Variants in CFAP299 observed in about 807,000 individuals in gnomAD.
CFAP299 encodes the protein cilia- and flagella-associated protein 299.
A neutral mutation model predicts 27.0 loss-of-function variants in CFAP299; 21 were observed. The observed-to-expected ratio is 0.78, with a 90% CI of 0.55 to 1.12. The LOEUF (loss-of-function observed/expected upper bound fraction) is 1.12. Ranked by LOEUF, CFAP299 falls within the 50% of genes most tolerant of loss-of-function variation. The pLI, the probability that CFAP299 is intolerant of heterozygous loss-of-function variation, is 0.00. For synonymous variants in CFAP299, 104 were observed against 98.1 expected, an observed-to-expected ratio of 1.06 and a Z score of -0.36; for missense variants, 310 against 276.6, an observed-to-expected ratio of 1.12 and a Z score of -0.86.
chr4:80,375,324 C>T (rs1724350046), intron 2 of CFAP299, among the ~76,000 whole-genome samples: 1 of 151,956 alleles, frequency 6.6e-6, no homozygotes, highest in Non-Finnish European at 1.5e-5. Context: ...TCATTATTCT[C>T]ACATACATTT....
intron 4 of CFAP299, among the ~76,000 whole-genome samples, chr4:80,939,054 G>A (rs1040569461): frequency 1.3e-5 from 2 of 152,154 alleles, no homozygotes; most frequent in Admixed American, 6.6e-5. Flanking sequence ...AGAGGGGAAT[G>A]TTCCCTTTGT....
intron 2 of CFAP299, among the ~76,000 whole-genome samples, chr4:80,376,006 T>G (rs1037010978): frequency 1.3e-5 from 2 of 152,238 alleles, no homozygotes; most frequent in African/African-American, 4.8e-5. Flanking sequence ...TTCTGACAAA[T>G]GTATACAGTA....
chr4:80,695,132 A>G (rs889155248), intron 3 of CFAP299, among the ~76,000 whole-genome samples: 1 of 152,168 alleles, frequency 6.6e-6, no homozygotes, highest in Admixed American at 6.5e-5. Flanking sequence ...TGGGGACAGG[A>G]TAGTATTTAT....
chr4:80,504,616 T>C (rs933075053), intron 2 of CFAP299, among the ~76,000 whole-genome samples: 2 of 146,844 alleles, frequency 1.4e-5, no homozygotes, highest in Non-Finnish European at 3.0e-5. Context: ...CACGTTATAC[T>C]ATTTTAGTTT....
intron 3 of CFAP299, among the ~76,000 whole-genome samples, chr4:80,759,227 A>C (rs1725419057): frequency 6.6e-6 from 1 of 152,146 alleles, no homozygotes; most frequent in South Asian, 2.1e-4. Context: ...TAGGCTCTGA[A>C]GATGATGCAA....
chr4:80,371,891 TCAAACCTCTGCCCATTACCCAGTTC>T (rs1308295917), intron 2 of CFAP299, among the ~76,000 whole-genome samples: 1 of 152,228 alleles, frequency 6.6e-6, no homozygotes, highest in Non-Finnish European at 1.5e-5. Context: ...TTATCCAGTT[TCAAACCTCTGCCCATTACCCAGTTC>T]CAAAGCTGCT....
chr4:80,875,149 G>A (rs946677556), intron 4 of CFAP299, among the ~76,000 whole-genome samples: 4 of 152,012 alleles, frequency 2.6e-5, no homozygotes, highest in Admixed American at 1.3e-4. Flanking sequence ...CCAACCCAGA[G>A]GCTCAATCTC....
chr4:80,394,153 G>A (rs1340423223), intron 2 of CFAP299, among the ~76,000 whole-genome samples: 3 of 152,150 alleles, frequency 2.0e-5, no homozygotes, highest in African/African-American at 7.2e-5. Context: ...GGAACTGTGA[G>A]TCAATAAAAC....
chr4:80,582,078 A>G (rs1736202354), intron 2 of CFAP299, among the ~76,000 whole-genome samples: 2 of 151,832 alleles, frequency 1.3e-5, no homozygotes, highest in South Asian at 4.1e-4. Flanking sequence ...TTGCCTTGCA[A>G]TTTTACATTT....
intron 3 of CFAP299, among the ~76,000 whole-genome samples, chr4:80,835,341 G>A (rs187091159): frequency 1.2e-4 from 18 of 151,988 alleles, no homozygotes; most frequent in African/African-American, 2.9e-4. Context: ...CTCCTGATCC[G>A]CCCGCCTCGG....
intron 3 of CFAP299, among the ~76,000 whole-genome samples, chr4:80,725,111 A>ATTTTTTT (rs70956062): frequency 0.011 from 967 of 88,508 alleles, 39 homozygotes; most frequent in Admixed American, 0.023. Flanking sequence ...TGCCTGGCCA[A>ATTTTTTT]TTTTTTTTTT....
intron 4 of CFAP299, chr4:80,870,772 A>G (rs1733038791): frequency 1.0e-6 from 1 of 985,302 alleles, no homozygotes; most frequent in African/African-American, 1.7e-5. Context: ...TAGCAGCATT[A>G]TGCTTTAACT....
At chr4:80,407,728 C>T (rs765698827) in intron 2 of CFAP299, among the ~76,000 whole-genome samples, 1 of 152,078 alleles carries the variant, frequency 6.6e-6, no homozygotes, top group African/African-American at 2.4e-5. Context: ...AAATTGAGCA[C>T]ATTTTAAAAA....
At chr4:80,411,767 C>T (rs929831736) in intron 2 of CFAP299, among the ~76,000 whole-genome samples, 2 of 152,010 alleles carry the variant, frequency 1.3e-5, no homozygotes, top group African/African-American at 4.8e-5. Flanking sequence ...TAAGATTTCT[C>T]TTTGCCATAT....
chr4:80,684,579 T>C (rs535062905), intron 3 of CFAP299, among the ~76,000 whole-genome samples: 4 of 152,322 alleles, frequency 2.6e-5, no homozygotes, highest in Non-Finnish European at 5.9e-5. Flanking sequence ...GAGATGACTA[T>C]TTTAAGAAAT....
At chr4:80,621,418 ATT>A (rs1179566922) in intron 3 of CFAP299, among the ~76,000 whole-genome samples, 1 of 152,124 alleles carries the variant, frequency 6.6e-6, no homozygotes, top group African/African-American at 2.4e-5. Context: ...TAAAATAAAT[ATT>A]TTGTTATTTT....
chr4:80,930,073 C>T (rs1037936712), intron 4 of CFAP299, among the ~76,000 whole-genome samples: 1 of 152,074 alleles, frequency 6.6e-6, no homozygotes, highest in African/African-American at 2.4e-5. Context: ...GATTTTCAGT[C>T]CCATCCCCGC....
chr4:80,388,096 C>T, intron 2 of CFAP299: 2 of 693,132 alleles, frequency 2.9e-6, no homozygotes, highest in East Asian at 5.2e-5. Context: ...TGTACACCTT[C>T]ACCACACCAT....
intron 2 of CFAP299, among the ~76,000 whole-genome samples, chr4:80,390,793 G>GTA (rs1553919193): frequency 3.5e-4 from 43 of 123,532 alleles, no homozygotes; most frequent in South Asian, 1.7e-3. Flanking sequence ...ACACATATAT[G>GTA]TATATGTATA....
Sources: allele counts gnomAD v4.1 joint callset (sites outside exome capture counted in the v4.1 genomes callset), GRCh38; gene constraint gnomAD v4.1.1; transcripts MANE v1.5; gene names NCBI Gene and HGNC (gene_info 2026-07-23, HGNC 2026-07-21).